PTPRS: variants seen among roughly 807,000 people sequenced by gnomAD.
PTPRS encodes the protein protein tyrosine phosphatase receptor type S.
Under a neutral mutation model 215.3 loss-of-function variants are expected in PTPRS, and 63 were observed. That is an observed-to-expected ratio of 0.29 (90% confidence interval 0.24 to 0.36). The LOEUF (loss-of-function observed/expected upper bound fraction) is 0.36. Among genes scored for constraint, PTPRS ranks in the 10% least tolerant of loss-of-function variants. PTPRS has a pLI of 1.00. For missense variants in PTPRS, 2,258 were observed against 2,825.8 expected, an observed-to-expected ratio of 0.80 and a Z score of 4.56; for synonymous variants, 1,404 against 1,191.4, an observed-to-expected ratio of 1.18 and a Z score of -3.68.
chr19:5,250,813 T>C (rs1265985124), intron 9 of PTPRS, among the ~76,000 whole-genome samples: 1 of 142,488 alleles, frequency 7.0e-6, no homozygotes, highest in African/African-American at 2.6e-5. Flanking sequence ...GGGTTGGGAG[T>C]GGGGGCGAGG....
intron 1 of PTPRS, among the ~76,000 whole-genome samples, chr19:5,334,249 G>A (rs576316424): frequency 3.7e-4 from 57 of 152,386 alleles, no homozygotes; most frequent in African/African-American, 1.3e-3. Context: ...GGCTGAGGGC[G>A]GGGTAGCGGG....
intron 14 of PTPRS, 103 bp downstream of exon 14, chr19:5,231,207 C>CT (rs112446045): frequency 0.076 from 95,999 of 1,265,242 alleles, 3,913 homozygotes; most frequent in Non-Finnish European, 0.082. Context: ...CCGAGTGAGG[C>CT]TTCCGCCCTT....
Position 5,210,893 on chromosome 19 carries a change from G to A in PTPRS, c.5235-88C>T. 6.6e-7 allele frequency: 1 copy of A among 1,508,684 alleles called. No individual in the cohort carries two copies. Among genetic ancestry groups the A allele is most frequent in the Non-Finnish European group, 8.9e-7 (1 of 1,127,328 alleles). 93.5% of individuals were successfully genotyped at this position (1,508,684 alleles called of 1,614,324 possible). On this transcript the variant is annotated intron_variant, in intron 33 of 37. Transcript: ENST00000262963. This position sits in a 1 kb window ranked among gnomAD's most constrained non-coding sequence, Gnocchi z 4.5. The stretch of plus-strand genomic sequence containing the variant: ...TGCTGCCCGGGAGGGTCAGGACCAA[G>A]CCAGTGACAGCTACACCTACCACCC...
intron 1 of PTPRS, among the ~76,000 whole-genome samples, chr19:5,336,874 G>A (rs1474795513): frequency 6.6e-6 from 1 of 152,182 alleles, no homozygotes; most frequent in African/African-American, 2.4e-5. Context: ...AAGGACGGAG[G>A]AAGGGCAACC....
Position 5,206,278 on chromosome 19 carries a change from C to G in PTPRS, c.*496G>C, listed in dbSNP as rs1395082106. The G allele has an allele frequency of 1.8e-5, 4 of 227,178 alleles. No homozygotes were observed. 14.1% of individuals were successfully genotyped at this position (227,178 alleles called of 1,614,324 possible). A position where few individuals can be genotyped will look rare whatever the true frequency, so the allele number is the denominator to read the frequency against. ...AAAAAAAAATGGAAAAAAAAATACA[C>G]TATTTAAAAAAAATGAAATGTCACG... On this transcript the variant is annotated 3_prime_UTR_variant, in exon 38 of 38. Transcript: ENST00000262963.
chr19:5,265,937 T>G lies in PTPRS; in HGVS notation c.380-741A>C, dbSNP rs551656438. On this transcript the variant is annotated intron_variant, in intron 4 of 37. Transcript: ENST00000262963. ...CCTGAGGACGCCTTTCTTTTTATCTTTTAAAAAATTTTTAAACAGAGAGAT... is the reference window on the plus strand; with the variant it reads ...CCTGAGGACGCCTTTCTTTTTATCTGTTAAAAAATTTTTAAACAGAGAGAT... 2.0e-5 allele frequency among the ~76,000 whole-genome samples: 3 copies of G among 152,262 alleles called. No individual in the cohort carries two copies. The East Asian group carries it at 5.8e-4, about 29-fold the overall frequency.
chr19:5,225,915 G>A (rs1386869150), intron 16 of PTPRS, 71 bp from the exon 17 acceptor site: 3 of 1,306,650 alleles, frequency 2.3e-6, no homozygotes, highest in Non-Finnish European at 3.3e-6. Context: ...CACTCCCCGT[G>A]CTGAGAACAA....
intron 1 of PTPRS, among the ~76,000 whole-genome samples, chr19:5,308,952 G>C (rs1011467727): frequency 1.3e-5 from 2 of 152,180 alleles, no homozygotes; most frequent in Non-Finnish European, 2.9e-5. Context: ...GGTGGGGTAC[G>C]GGGCAGGGAG....
At chr19:5,263,122 A>C (rs1394018157) in intron 5 of PTPRS, 150 bp from the exon 6 acceptor site, 6 of 733,942 alleles carry the variant, frequency 8.2e-6, no homozygotes, top group African/African-American at 5.3e-5. Flanking sequence ...ATGATTCCTA[A>C]AGTGGCTTAT....
At chr19:5,215,643 G>A (rs1259806192) in intron 26 of PTPRS, 48 bp from the exon 27 acceptor site, 3 of 1,373,252 alleles carry the variant, frequency 2.2e-6, no homozygotes, top group Non-Finnish European at 2.0e-6. Flanking sequence ...TGGGGGGCCA[G>A]CCGGGGACTC....
intron 31 of PTPRS, 32 bp downstream of exon 31, chr19:5,212,305 G>T (rs201165007): frequency 1.2e-6 from 2 of 1,609,970 alleles, no homozygotes; most frequent in South Asian, 2.2e-5. Flanking sequence ...GGACCGGGGG[G>T]AAGCGGATGG....
chr19:5,308,720 CG>C (rs2147138298), intron 1 of PTPRS, among the ~76,000 whole-genome samples: 1 of 152,140 alleles, frequency 6.6e-6, no homozygotes, highest in South Asian at 2.1e-4. Context: ...GGGCTCCAGG[CG>C]GGGAGAGAGA....
intron 9 of PTPRS, among the ~76,000 whole-genome samples, chr19:5,246,942 G>A (rs996730541): frequency 1.3e-5 from 2 of 152,022 alleles, no homozygotes; most frequent in South Asian, 2.1e-4. Flanking sequence ...AGAAAGGAGG[G>A]AGGAACTGCA....
chr19:5,325,415 G>A (rs112826519), intron 1 of PTPRS, among the ~76,000 whole-genome samples: 4,005 of 152,328 alleles, frequency 0.026, 73 homozygotes, highest in Middle Eastern at 0.068. Flanking sequence ...GGGAGATCCC[G>A]CCACAATATC....
At chr19:5,302,901 C>CAAAAAAAAAAAA (rs61244607) in intron 1 of PTPRS, among the ~76,000 whole-genome samples, 7 of 112,538 alleles carry the variant, frequency 6.2e-5, no homozygotes, top group African/African-American at 1.6e-4. Context: ...ACTAAAAATA[C>CAAAAAAAAAAAA]AAAAAAAAAA....
Position 5,340,711 on chromosome 19 carries a change from T to C in PTPRS, c.-142A>G. ...TCCCCCGGCTCTGCCCCGCTTCACATCGTGGCTGTTGCATGGGATCCGAGC... is the reference window on the plus strand; with the variant it reads ...TCCCCCGGCTCTGCCCCGCTTCACACCGTGGCTGTTGCATGGGATCCGAGC... On this transcript the variant is annotated 5_prime_UTR_variant, in exon 1 of 38. It removes an upstream start codon present in the reference 5' UTR. Transcript: ENST00000262963. 6.7e-6 allele frequency: 1 copy of C among 149,600 alleles called. No individual in the cohort carries two copies. Among genetic ancestry groups the C allele is most frequent in the African/African-American group, 2.5e-5 (1 of 40,700 alleles). The allele number at this position is 149,600 out of a possible 1,614,324, so 9.3% of individuals were successfully genotyped here.
intron 16 of PTPRS, among the ~76,000 whole-genome samples, chr19:5,228,362 A>AAAG (rs1383962696): frequency 4.7e-5 from 7 of 147,918 alleles, no homozygotes; most frequent in African/African-American, 7.6e-5. Context: ...AAAAAAAAAA[A>AAAG]AGAGACAGGG....
intron 10 of PTPRS, among the ~76,000 whole-genome samples, chr19:5,245,411 C>T (rs1161683316): frequency 6.6e-6 from 1 of 152,168 alleles, no homozygotes; most frequent in Non-Finnish European, 1.5e-5. Flanking sequence ...GCCTCAGCCT[C>T]CTGAGTAGCT....
intron 4 of PTPRS, among the ~76,000 whole-genome samples, chr19:5,272,641 T>C (rs1280532552): frequency 9.7e-6 from 1 of 103,496 alleles, no homozygotes; most frequent in Non-Finnish European, 2.0e-5. Flanking sequence ...AAAAAAAGAA[T>C]TGCACCTAAA....
Sources: gnomAD v4.1 joint callset for allele counts (sites outside exome capture counted in the v4.1 genomes callset) on GRCh38, gnomAD v4.1.1 for gene constraint, Gnocchi (gnomAD v3.1) non-coding constraint, MANE v1.5 for transcripts, NCBI Gene and HGNC (gene_info 2026-07-23, HGNC 2026-07-21) for gene names.